Variants in IL5RA observed in about 807,000 individuals in gnomAD.
IL5RA encodes interleukin-5 receptor subunit alpha.
Under a neutral mutation model 50.0 loss-of-function variants are expected in IL5RA, and 49 were observed. That is an observed-to-expected ratio of 0.98 (90% CI 0.78 to 1.24). IL5RA has a LOEUF of 1.24. Ranked by LOEUF, IL5RA falls within the 50% of genes most tolerant of loss-of-function variation. The probability of loss-of-function intolerance (pLI) is 0.00; values close to 1 mark genes in which losing one functional copy is unlikely to be tolerated. For synonymous variants in IL5RA, 202 were observed against 174.0 expected (o/e 1.16, Z -1.26); for missense variants, 600 against 500.4 (o/e 1.20, Z -1.90).
At chr3:3,106,460 G>C (rs1703925643) in intron 2 of IL5RA, among the ~76,000 whole-genome samples, 1 of 151,994 alleles carries the variant, frequency 6.6e-6, no homozygotes, top group South Asian at 2.1e-4. Flanking sequence ...TCAATTCCTT[G>C]TCAAATAAGC....
chr3:3,074,637 C>A (rs532359195), intron 11 of IL5RA, 145 bp downstream of exon 11: 7 of 573,792 alleles, frequency 1.2e-5, no homozygotes, highest in African/African-American at 1.1e-4. Context: ...AGCCAAAGAA[C>A]AGAATGACTG....
chr3:3,104,607 C>G (rs142976144), intron 3 of IL5RA, among the ~76,000 whole-genome samples: 1 of 152,090 alleles, frequency 6.6e-6, no homozygotes, highest in South Asian at 2.1e-4. Context: ...CTAACTACTC[C>G]CTTGTGTGAG....
chr3:3,076,485 A>G (rs1237513538), intron 10 of IL5RA, 46 bp downstream of exon 10: 2 of 1,171,956 alleles, frequency 1.7e-6, no homozygotes, highest in Non-Finnish European at 2.5e-6. Flanking sequence ...GTAAAAATGC[A>G]GTACTGAAAC....
At position 3,104,513 on chromosome 3, in the gene IL5RA, C is replaced by G. The variant is rs192114859; in HGVS notation, c.82+390G>C. Among the ~76,000 whole-genome samples, 7 of 152,314 alleles carry G rather than the reference C, an allele frequency of 4.6e-5. No homozygotes were observed. In the East Asian group the frequency reaches 1.4e-3, roughly 29 times the overall value. On this transcript the variant is annotated intron_variant, in intron 3 of 11. Transcript: ENST00000446632. ...ACCATGTGATGATTTTCCTTAAACT[C>G]TGTCATCACATCAAATACATAACAT... is the stretch of plus-strand genomic sequence containing the variant.
intron 5 of IL5RA, among the ~76,000 whole-genome samples, chr3:3,099,327 G>T (rs1238914491): frequency 6.6e-6 from 1 of 152,058 alleles, no homozygotes; most frequent in East Asian, 1.9e-4. Context: ...GTGAAACCTC[G>T]TCTTTGCAAA....
intron 9 of IL5RA, among the ~76,000 whole-genome samples, chr3:3,079,767 A>G (rs1028283961): frequency 1.3e-5 from 2 of 152,172 alleles, no homozygotes; most frequent in African/African-American, 2.4e-5. Flanking sequence ...CGGGTGTGTT[A>G]GCTCATGCCT....
At chr3:3,080,634 T>C (rs1012398950) in intron 9 of IL5RA, among the ~76,000 whole-genome samples, 1 of 152,208 alleles carries the variant, frequency 6.6e-6, no homozygotes, top group African/African-American at 2.4e-5. Context: ...CTACCGTTTC[T>C]CCTGACATTC....
chr3:3,109,067 C>T (rs973561541), intron 1 of IL5RA, among the ~76,000 whole-genome samples: 1 of 152,110 alleles, frequency 6.6e-6, no homozygotes, highest in Non-Finnish European at 1.5e-5. Flanking sequence ...GCTATAAAAG[C>T]ACCATCACTT....
intron 9 of IL5RA, among the ~76,000 whole-genome samples, chr3:3,077,793 A>T (rs138128921): frequency 5.1e-4 from 77 of 152,268 alleles, no homozygotes; most frequent in African/African-American, 1.7e-3. Context: ...CAAAAAAAGA[A>T]AAGAAAAACT....
chr3:3,099,658 T>TTTTTTATTATTATTATTA (rs1553752865), intron 5 of IL5RA, among the ~76,000 whole-genome samples: 5 of 144,280 alleles, frequency 3.5e-5, no homozygotes, highest in African/African-American at 1.3e-4. Context: ...TTTTATTTTA[T>TTTTTTATTATTATTATTA]TTATTATTAT....
At chr3:3,095,554 C>A in intron 7 of IL5RA, 110 bp from the exon 8 acceptor site, 1 of 896,762 alleles carries the variant, frequency 1.1e-6, no homozygotes. Context: ...ACGCTTTTTT[C>A]AAATATTTAC....
rs1702218858 is a variant in IL5RA, at chr3:3,069,196, G to A, written c.*1029C>T. On this transcript the variant is annotated 3_prime_UTR_variant, in exon 12 of 12. Transcript: ENST00000446632. ...TCTGCCCAGGGCACACCTGTGCTTG[G>A]TTCCACCTGCAGTCCACCACCCACC... 2 of 152,282 alleles carry A rather than the reference G, an allele frequency of 1.3e-5. No individual in the cohort carries two copies. The highest frequency in any genetic ancestry group is 2.9e-5 in the Non-Finnish European group (2 of 68,134). 9.4% of individuals were successfully genotyped at this position (152,282 alleles called of 1,614,324 possible).
In IL5RA at chr3:3,086,694, G is replaced by A. The variant is rs1279272812; in HGVS notation, c.994+5530C>T. On this transcript the variant is annotated intron_variant, in intron 9 of 11. Coordinates refer to ENST00000446632, the MANE Select transcript of IL5RA (RefSeq NM_175726.4). ...TTAAAAAAAAATTCTGAATCAAATT[G>A]TAGGCCTCATTTAGTTTTTTGAGAA... 2.6e-5 allele frequency among the ~76,000 whole-genome samples: 4 copies of A among 152,058 alleles called. 1 individual carries two copies.
At chr3:3,104,818 C>G in intron 3 of IL5RA, 85 bp downstream of exon 3, 3 of 784,434 alleles carry the variant, frequency 3.8e-6, no homozygotes, top group Non-Finnish European at 4.3e-6. Context: ...ATGTTCTAAT[C>G]GACAGTTTAA....
chr3:3,108,480 G>A (rs939955419), intron 2 of IL5RA, 70 bp downstream of exon 2: 1 of 152,224 alleles, frequency 6.6e-6, no homozygotes. Flanking sequence ...AAATATCCCA[G>A]TAGCAAAATA....
rs1054814674 is a variant in IL5RA at position 3,092,754 on chromosome 3, A to G, written c.856-392T>C. On this transcript the variant is annotated intron_variant, in intron 8 of 11. Coordinates refer to ENST00000446632, the MANE Select transcript of IL5RA (RefSeq NM_175726.4). The surrounding 1 kb of genome is among the most constrained non-coding windows in gnomAD (Gnocchi z 4.2). ...ATGAACGCTAGATTGTCTAGTGTTG[A>G]AATGAAGCTATTTTCTCATGAATGA... Among the ~76,000 whole-genome samples, 1 of 152,172 alleles carries G rather than the reference A, an allele frequency of 6.6e-6. No individual in the cohort carries two copies. The highest frequency in any genetic ancestry group is 2.4e-5 in the African/African-American group (1 of 41,448).
At chr3:3,088,666 A>G (rs1259337987) in intron 9 of IL5RA, among the ~76,000 whole-genome samples, 1 of 152,206 alleles carries the variant, frequency 6.6e-6, no homozygotes, top group African/African-American at 2.4e-5. Flanking sequence ...AAAGTCAAAG[A>G]CTCAGAAAGC....
At chr3:3,108,316 T>C (rs1704026371) in intron 2 of IL5RA, among the ~76,000 whole-genome samples, 1 of 152,238 alleles carries the variant, frequency 6.6e-6, no homozygotes, top group South Asian at 2.1e-4. Context: ...TTTTTTTTAC[T>C]ACTACTGTAC....
chr3:3,101,725 T>G lies in IL5RA; in HGVS notation c.334A>C (p.Ser112Arg). The G allele has an allele frequency of 6.2e-7, 1 of 1,614,126 alleles. No homozygotes were observed. Among genetic ancestry groups the G allele is most frequent in the Non-Finnish European group, 8.5e-7 (1 of 1,179,994 alleles). Reference protein sequence around the residue: ...LQNDHSLLASSWASAELHAPP... With the variant: ...LQNDHSLLASRWASAELHAPP... Reference sequence around the variant, plus strand: ...GCATGAAGTTCAGCAGAAGCCCAGCTGCTGGCCAGTAGTGAGTGGTCGTTC... The same window carrying G: ...GCATGAAGTTCAGCAGAAGCCCAGCGGCTGGCCAGTAGTGAGTGGTCGTTC... The change falls in exon 5 of 12, where the codon AGC becomes CGC. Residue 112 changes from serine to arginine, a missense_variant. Ser to Arg is a moderately radical substitution (Grantham distance 110). Transcript: ENST00000446632.
Sources: gnomAD v4.1 joint callset for allele counts (sites outside exome capture counted in the v4.1 genomes callset) on GRCh38, gnomAD v4.1.1 for gene constraint, Gnocchi (gnomAD v3.1) non-coding constraint, MANE v1.5 for transcripts, NCBI Gene and HGNC (gene_info 2026-07-23, HGNC 2026-07-21) for gene names.